ARSG: variants seen among roughly 807,000 people sequenced by gnomAD.
ARSG encodes the protein arylsulfatase G, also known as ASG.
In ARSG, 37 loss-of-function variants were observed where a neutral mutation model predicts 50.5. The observed-to-expected ratio is 0.73, with a 90% CI of 0.56 to 0.96. The LOEUF is 0.96. Ranked by LOEUF, ARSG falls within the 50% of genes least tolerant of loss-of-function variation. The pLI is 0.00. For missense variants in ARSG, 629 were observed against 675.3 expected (o/e 0.93, Z 0.76); for synonymous variants, 225 against 254.6 (o/e 0.88, Z 1.11).
chr17:68,341,968 C>A (rs1464880998), intron 2 of ARSG, among the ~76,000 whole-genome samples: 1 of 150,602 alleles, frequency 6.6e-6, no homozygotes, highest in Non-Finnish European at 1.5e-5. Flanking sequence ...TACAGGCATG[C>A]ACCACCATGC....
downstream of ARSG, chr17:68,426,254 G>GGGGGGGC: frequency 1.2e-6 from 1 of 816,924 alleles, no homozygotes. Context: ...GGGAGCGGGG[G>GGGGGGGC]CTCAAATAAA....
intron 1 of ARSG, among the ~76,000 whole-genome samples, chr17:68,282,822 C>T (rs2075738362): frequency 7.1e-6 from 1 of 141,150 alleles, no homozygotes; most frequent in African/African-American, 2.8e-5. Flanking sequence ...CTGGTGGGTG[C>T]CTGTAACCCC....
chr17:68,288,501 A>T (rs1555754889), upstream of ARSG, among the ~76,000 whole-genome samples: 2 of 152,064 alleles, frequency 1.3e-5, no homozygotes, highest in African/African-American at 2.4e-5. Flanking sequence ...CTGTGTAGGG[A>T]TCTAACTGGT....
chr17:68,289,227 G>A (rs1008098448), upstream of ARSG, among the ~76,000 whole-genome samples: 3 of 152,118 alleles, frequency 2.0e-5, no homozygotes, highest in African/African-American at 7.2e-5. Flanking sequence ...GAGCCCGGGA[G>A]GTCGAGGCTG....
At chr17:68,328,115 C>T (rs1459923943) in intron 2 of ARSG, among the ~76,000 whole-genome samples, 1 of 152,002 alleles carries the variant, frequency 6.6e-6, no homozygotes, top group Non-Finnish European at 1.5e-5. Flanking sequence ...GTACATGATA[C>T]CAGGATAGCA....
At chr17:68,310,054 A>G (rs2076789361) in intron 2 of ARSG, among the ~76,000 whole-genome samples, 1 of 148,720 alleles carries the variant, frequency 6.7e-6, no homozygotes. Context: ...GCTCACTGCA[A>G]CCTCCATCTC....
chr17:68,280,540 A>G (rs1555752334), intron 1 of ARSG, among the ~76,000 whole-genome samples: 1 of 152,260 alleles, frequency 6.6e-6, no homozygotes, highest in African/African-American at 2.4e-5. Context: ...TCATTGGAGA[A>G]AGTTCAGTCT....
chr17:68,357,079 G>T (rs1405514710), intron 6 of ARSG, among the ~76,000 whole-genome samples: 1 of 152,142 alleles, frequency 6.6e-6, no homozygotes, highest in African/African-American at 2.4e-5. Context: ...TGATCATTTT[G>T]TCCTCTCCTT....
At chr17:68,426,253 G>GGGGGGGGGGGGGGGGGGGGGGA, downstream of ARSG, 1 of 841,018 alleles carries the variant, frequency 1.2e-6, no homozygotes, top group Non-Finnish European at 1.9e-6. Context: ...GGGGAGCGGG[G>GGGGGGGGGGGGGGGGGGGGGGA]GCTCAAATAA....
chr17:68,260,202 G>A (rs1391273038), intron 1 of ARSG, among the ~76,000 whole-genome samples: 3 of 152,200 alleles, frequency 2.0e-5, no homozygotes, highest in Non-Finnish European at 4.4e-5. Flanking sequence ...CAAGCCTGCA[G>A]CAGCCGAGTA....
chr17:68,317,431 A>G (rs2077108929), intron 2 of ARSG, among the ~76,000 whole-genome samples: 1 of 151,066 alleles, frequency 6.6e-6, no homozygotes, highest in Non-Finnish European at 1.5e-5. Flanking sequence ...TAGCTCAAAG[A>G]TTGACTACAT....
chr17:68,345,261 C>T (rs2078452912), intron 3 of ARSG, among the ~76,000 whole-genome samples: 1 of 152,166 alleles, frequency 6.6e-6, no homozygotes, highest in Non-Finnish European at 1.5e-5. Flanking sequence ...CCCTCGAGCC[C>T]AGGAGATCGA....
intron 1 of ARSG, among the ~76,000 whole-genome samples, chr17:68,261,543 C>T (rs1185647644): frequency 6.6e-6 from 1 of 152,042 alleles, no homozygotes; most frequent in Non-Finnish European, 1.5e-5. Context: ...CCATGCCTGG[C>T]TAATTTTTGT....
chr17:68,280,157 G>A (rs1234298613), intron 1 of ARSG, among the ~76,000 whole-genome samples: 2 of 145,526 alleles, frequency 1.4e-5, no homozygotes, highest in Admixed American at 1.4e-4. Flanking sequence ...ACTCCAGCCT[G>A]GGCAATAGAG....
chr17:68,331,248 T>A (rs1599751530), intron 2 of ARSG, among the ~76,000 whole-genome samples: 1 of 140,002 alleles, frequency 7.1e-6, no homozygotes, highest in South Asian at 2.2e-4. Flanking sequence ...TTTCTTTCTT[T>A]CTTTCTTTCT....
chr17:68,379,151 A>G (rs191735674), intron 8 of ARSG, among the ~76,000 whole-genome samples: 335 of 152,324 alleles, frequency 2.2e-3, no homozygotes, highest in African/African-American at 7.2e-3. Context: ...GTCTGAATAG[A>G]GGCCAGGCCG....
At chr17:68,269,673 GTTTTTT>G in intron 1 of ARSG, among the ~76,000 whole-genome samples, 1 of 77,896 alleles carries the variant, frequency 1.3e-5, no homozygotes, top group Admixed American at 1.7e-4. Flanking sequence ...TTCACTTTAG[GTTTTTT>G]TTTTTTTTTT....
At chr17:68,433,654 A>G in the ARSG span, 4 of 1,200,088 alleles carry the variant, frequency 3.3e-6, no homozygotes, top group Non-Finnish European at 4.8e-6. Context: ...TCAGCTTTAT[A>G]AGAAAATCAG....
intron 1 of ARSG, among the ~76,000 whole-genome samples, chr17:68,279,968 G>A (rs1221074721): frequency 1.3e-5 from 2 of 152,030 alleles, no homozygotes; most frequent in South Asian, 2.1e-4. Context: ...GATCACCTGA[G>A]GTCAGGAGTT....
Sources: gnomAD v4.1 joint callset for allele counts (sites outside exome capture counted in the v4.1 genomes callset) on GRCh38, gnomAD v4.1.1 for gene constraint, MANE v1.5 for transcripts, NCBI Gene and HGNC (gene_info 2026-07-23, HGNC 2026-07-21) for gene names.